RASGRF2: variants seen among roughly 807,000 people sequenced by gnomAD.
RASGRF2 encodes ras-specific guanine nucleotide-releasing factor 2.
A neutral mutation model predicts 151.0 loss-of-function variants in RASGRF2; 76 were observed. The observed-to-expected ratio is 0.50, with a 90% CI of 0.42 to 0.61. The LOEUF is 0.61. RASGRF2 is among the 20% of genes least tolerant of loss of function. RASGRF2 has a pLI of 0.00. For synonymous variants in RASGRF2, 504 were observed against 566.5 expected (o/e 0.89, Z 1.57); for missense variants, 1,148 against 1,564.6 (o/e 0.73, Z 4.49).
intron 4 of RASGRF2, among the ~76,000 whole-genome samples, chr5:81,070,950 T>C (rs2112458655): frequency 6.6e-6 from 1 of 152,276 alleles, no homozygotes; most frequent in African/African-American, 2.4e-5. Context: ...TTAAGAAAGA[T>C]TTTTTGGGGG....
rs11386410 is a variant in RASGRF2, at chr5:80,997,968, C to CAA, written c.288+36960_288+36961dup. The CAA allele has an allele frequency of 8.6e-3, 1,101 of 127,766 alleles. 11 individuals are homozygous for CAA. Among genetic ancestry groups the CAA allele is most frequent in the African/African-American group, 0.018 (565 of 31,488 alleles). 7.9% of individuals were successfully genotyped at this position (127,766 alleles called of 1,614,324 possible). ...TGGGAGACAGAGCAAGACTCCGTCT[C>CAA]AAAAAAAAAAAAAAAAAAATTAAAG... is the stretch of plus-strand genomic sequence containing the variant. On this transcript the variant is annotated intron_variant, in intron 1 of 26. Transcript: ENST00000265080.
intron 1 of RASGRF2, 104 bp from the exon 2 acceptor site, chr5:81,042,773 G>T: frequency 1.3e-6 from 1 of 778,006 alleles, no homozygotes; most frequent in East Asian, 2.8e-5. Flanking sequence ...CATAAGCACT[G>T]ATGCATTTTG....
intron 2 of RASGRF2, among the ~76,000 whole-genome samples, chr5:81,045,669 T>TCAAGTCTA (rs144726368): frequency 6.6e-6 from 1 of 151,740 alleles, no homozygotes; most frequent in Admixed American, 6.6e-5. Flanking sequence ...ACTTGAGACC[T>TCAAGTCTA]AGGACTGGGT....
Position 81,113,863 on chromosome 5 carries a change from A to C in RASGRF2, c.2413A>C (p.Asn805His), listed in dbSNP as rs370629708. 13 of 1,614,196 alleles carry C rather than the reference A, an allele frequency of 8.1e-6. No individual in the cohort carries two copies. In the East Asian group the frequency reaches 2.5e-4, roughly 30 times the overall value. Residue 805 changes from asparagine to histidine, a missense_variant, in exon 15 of 27, where the codon AAT becomes CAT. Physicochemically the swap from Asn to His is moderately conservative, Grantham distance 68. Transcript: ENST00000265080. ...GCAAAGCCCGGGAACGGTAGAAGAGAATGTCGATAACCCACGCGTGGATCT... is the reference window on the plus strand; with the variant it reads ...GCAAAGCCCGGGAACGGTAGAAGAGCATGTCGATAACCCACGCGTGGATCT... ...PEQSPGTVEE[N>H]VDNPRVDLCN...
intron 15 of RASGRF2, among the ~76,000 whole-genome samples, chr5:81,116,536 T>C (rs573434377): frequency 1.7e-4 from 26 of 152,194 alleles, no homozygotes; most frequent in African/African-American, 5.8e-4. Flanking sequence ...AAACAACAAC[T>C]CTCCTAGAGA....
At chr5:81,153,638 G>T (rs1478223252) in intron 17 of RASGRF2, among the ~76,000 whole-genome samples, 2 of 152,150 alleles carry the variant, frequency 1.3e-5, no homozygotes, top group African/African-American at 2.4e-5. Flanking sequence ...ATGGTAATTT[G>T]TTATAGCAGC....
chr5:80,992,513 C>A (rs1389486249), intron 1 of RASGRF2, among the ~76,000 whole-genome samples: 2 of 152,170 alleles, frequency 1.3e-5, no homozygotes, highest in Non-Finnish European at 2.9e-5. Context: ...GAGATACAAT[C>A]AGGTTCTTAC....
intron 1 of RASGRF2, among the ~76,000 whole-genome samples, chr5:80,983,914 C>G (rs922706936): frequency 9.2e-5 from 14 of 152,160 alleles, no homozygotes; most frequent in African/African-American, 3.4e-4. Flanking sequence ...CTAGCAAATT[C>G]AAAATTACGT....
At chr5:81,209,570 G>A (rs1755586317) in intron 22 of RASGRF2, among the ~76,000 whole-genome samples, 1 of 152,218 alleles carries the variant, frequency 6.6e-6, no homozygotes, top group Non-Finnish European at 1.5e-5. Context: ...CGTGGATGCT[G>A]TGTGAATGCT....
intron 1 of RASGRF2, among the ~76,000 whole-genome samples, chr5:81,030,719 A>G (rs1403532187): frequency 6.6e-6 from 1 of 152,240 alleles, no homozygotes; most frequent in Non-Finnish European, 1.5e-5. Context: ...AAGACCATCA[A>G]TGCCAGGAAG....
chr5:81,176,486 A>G (rs961982159), intron 17 of RASGRF2, among the ~76,000 whole-genome samples: 1 of 152,186 alleles, frequency 6.6e-6, no homozygotes, highest in Non-Finnish European at 1.5e-5. Flanking sequence ...AATTAGAGCT[A>G]TCTAATAGTT....
chr5:81,086,107 T>A (rs1223159583), intron 8 of RASGRF2, among the ~76,000 whole-genome samples, 196 bp downstream of exon 8: 1 of 152,118 alleles, frequency 6.6e-6, no homozygotes, highest in African/African-American at 2.4e-5. Context: ...GAAAAATACG[T>A]ATCTTGGAAA....
At chr5:81,034,003 C>T (rs942600048) in intron 1 of RASGRF2, among the ~76,000 whole-genome samples, 6 of 152,178 alleles carry the variant, frequency 3.9e-5, no homozygotes, top group Non-Finnish European at 7.3e-5. Flanking sequence ...TGAACAGACA[C>T]TTCTCAAAAG....
chr5:81,176,661 G>A (rs534119873), intron 17 of RASGRF2, among the ~76,000 whole-genome samples: 1 of 152,148 alleles, frequency 6.6e-6, no homozygotes, highest in African/African-American at 2.4e-5. Flanking sequence ...TGATCCCAGT[G>A]CAGGCTGAGG....
At chr5:81,193,862 T>C (rs1436345966) in intron 18 of RASGRF2, among the ~76,000 whole-genome samples, 1 of 152,156 alleles carries the variant, frequency 6.6e-6, no homozygotes, top group Non-Finnish European at 1.5e-5. Flanking sequence ...AGAAAAGCAG[T>C]TTAAAAACTC....
rs1023515968 is a variant in RASGRF2 at position 81,016,075 on chromosome 5, C to T, written c.289-26802C>T. Among the ~76,000 whole-genome samples the T allele has an allele frequency of 7.0e-4, 107 of 152,238 alleles. 1 individual carries two copies. The highest frequency in any genetic ancestry group is 8.8e-5 in the Non-Finnish European group (6 of 68,006). On this transcript the variant is annotated intron_variant, in intron 1 of 26. Transcript: ENST00000265080. ...GCTCAGTCAGTGGCTCTGAAGCTGA[C>T]GAGAGTTGGCTATCTCTCTGTAAAC...
rs1050723793 is a variant in RASGRF2 at position 81,103,786 on chromosome 5, T to A, written c.1756-5210T>A. 4.4e-4 allele frequency among the ~76,000 whole-genome samples: 67 copies of A among 152,176 alleles called. 1 individual carries two copies. The highest frequency in any genetic ancestry group is 3.3e-4 in the Admixed American group (5 of 15,290). ...GGAGAAATTTGTAATGGTCACTGTATCTTTGTTATAGCAGAAAATGAAAAC... is the reference window on the plus strand; with the variant it reads ...GGAGAAATTTGTAATGGTCACTGTAACTTTGTTATAGCAGAAAATGAAAAC... On this transcript the variant is annotated intron_variant, in intron 12 of 26. Transcript: ENST00000265080.
chr5:81,122,674 C>A (rs1402434282), intron 15 of RASGRF2, among the ~76,000 whole-genome samples: 1 of 152,084 alleles, frequency 6.6e-6, no homozygotes, highest in African/African-American at 2.4e-5. Flanking sequence ...AAGCTGTTAT[C>A]AATGGGAATT....
chr5:81,086,795 A>C, intron 8 of RASGRF2, 40 bp from the exon 9 acceptor site: 1 of 1,507,764 alleles, frequency 6.6e-7, no homozygotes, highest in Non-Finnish European at 9.2e-7. Flanking sequence ...GGGCAAGAGA[A>C]AATCTCTCTT....
Sources: gnomAD v4.1 joint callset for allele counts (sites outside exome capture counted in the v4.1 genomes callset) on GRCh38, gnomAD v4.1.1 for gene constraint, MANE v1.5 for transcripts, NCBI Gene and HGNC (gene_info 2026-07-23, HGNC 2026-07-21) for gene names.